Variants in ARHGAP39 observed in about 807,000 individuals in gnomAD.
The protein encoded by ARHGAP39 is Rho GTPase activating protein 39.
In ARHGAP39, 44 loss-of-function variants were observed where a neutral mutation model predicts 106.9. The observed-to-expected ratio is 0.41, with a 90% CI of 0.32 to 0.53. The LOEUF is 0.53. Among genes scored for constraint, ARHGAP39 ranks in the 20% least tolerant of loss-of-function variants. The pLI is 0.21. For missense variants in ARHGAP39, 1,496 were observed against 1,577.3 expected (o/e 0.95, Z 0.87); for synonymous variants, 768 against 693.2 (o/e 1.11, Z -1.69).
intron 3 of ARHGAP39, among the ~76,000 whole-genome samples, chr8:144,568,816 A>G (rs958962301): frequency 3.3e-5 from 5 of 152,326 alleles, no homozygotes; most frequent in African/African-American, 1.2e-4. Flanking sequence ...AGCCATAATT[A>G]AGAATCCAAC....
At chr8:144,627,642 C>T (rs986626015) in intron 1 of ARHGAP39, among the ~76,000 whole-genome samples, 1 of 151,992 alleles carries the variant, frequency 6.6e-6, no homozygotes, top group Non-Finnish European at 1.5e-5. Context: ...GCCTTGGTCC[C>T]AGCACTTTGG....
At position 144,620,881 on chromosome 8, in the gene ARHGAP39, T is replaced by G. The variant is rs188009073; in HGVS notation, c.-81-15186A>C. On this transcript the variant is annotated intron_variant, in intron 1 of 11. Coordinates refer to ENST00000377307, the MANE Select transcript of ARHGAP39 (RefSeq NM_025251.3). Reference sequence around the variant, plus strand: ...AATCCCTGGGGCCAAGCTCCTGAGGTGGCCACTGTGCCCTCGAGGTGAAGG... The same window carrying G: ...AATCCCTGGGGCCAAGCTCCTGAGGGGGCCACTGTGCCCTCGAGGTGAAGG... 7.5e-4 allele frequency among the ~76,000 whole-genome samples: 114 copies of G among 152,318 alleles called. 1 individual carries two copies. Among genetic ancestry groups the G allele is most frequent in the African/African-American group, 2.6e-3 (108 of 41,568 alleles).
intron 2 of ARHGAP39, among the ~76,000 whole-genome samples, chr8:144,583,257 G>A (rs1819065222): frequency 6.6e-6 from 1 of 152,202 alleles, no homozygotes; most frequent in South Asian, 2.1e-4. Flanking sequence ...CACTGATCAT[G>A]TTCTCTTCCT....
At chr8:144,605,735 G>C in intron 1 of ARHGAP39, 40 bp from the exon 2 acceptor site, 1 of 923,274 alleles carries the variant, frequency 1.1e-6, no homozygotes. Flanking sequence ...TATGGAAGAC[G>C]CCTCACCACA....
In ARHGAP39 at chr8:144,533,257, G is replaced by A. The variant is rs139501715; in HGVS notation, c.2757C>T (p.Phe919=). The part of the protein sequence containing the change: ...AKNAVFSPSM[F]GSALQEVMGM... ...CCATGACCTCCTGCAGTGCGCTGCC[G>A]AACATGGACGGGCTGAACACGGCGT... The change falls in exon 9 of 12, where the codon TTC becomes TTT. Residue 919 remains phenylalanine (F), a synonymous_variant. Transcript: ENST00000377307. The A allele has an allele frequency of 2.8e-4, 447 of 1,613,004 alleles. No homozygotes were observed. Among genetic ancestry groups the A allele is most frequent in the Admixed American group, 2.5e-4 (15 of 60,000 alleles).
rs1330718474 is a variant in ARHGAP39, at chr8:144,679,150, C to T, written c.-82+6536G>A. The stretch of plus-strand genomic sequence containing the variant: ...CTCAGGGGCTCTCGCGCATGGTGGC[C>T]GGCTCCAGCGTCCAGCATCTGCGGC... On this transcript the variant is annotated intron_variant, in intron 1 of 11. Transcript: ENST00000377307. The surrounding 1 kb of genome is among the most constrained non-coding windows in gnomAD (Gnocchi z 4.7). 2.0e-5 allele frequency among the ~76,000 whole-genome samples: 3 copies of T among 152,318 alleles called. No individual in the cohort carries two copies. Among genetic ancestry groups the T allele is most frequent in the Non-Finnish European group, 2.9e-5 (2 of 68,036 alleles).
rs934454116 is a variant in ARHGAP39, at chr8:144,678,006, C to A, written c.-82+7680G>T. On this transcript the variant is annotated intron_variant, in intron 1 of 11. Coordinates refer to ENST00000377307, the MANE Select transcript of ARHGAP39 (RefSeq NM_025251.3). ...GGAAATGTGTCAACGAGTCCCTCCC[C>A]CTGCTGCGCCAGCCATTCTCTGAGG... 7.2e-5 allele frequency among the ~76,000 whole-genome samples: 11 copies of A among 152,204 alleles called. No homozygotes were observed. The South Asian group carries it at 1.7e-3, about 23-fold the overall frequency.
intron 1 of ARHGAP39, among the ~76,000 whole-genome samples, chr8:144,607,359 C>T (rs968020013): frequency 6.6e-6 from 1 of 152,210 alleles, no homozygotes; most frequent in Admixed American, 6.5e-5. Flanking sequence ...CCATGGCCTC[C>T]GGCCCGGGTG....
rs1364291848 is a variant in ARHGAP39, at chr8:144,645,279, A to G, written c.-81-39584T>C. On this transcript the variant is annotated intron_variant, in intron 1 of 11. Coordinates refer to ENST00000377307, the MANE Select transcript of ARHGAP39 (RefSeq NM_025251.3). The surrounding 1 kb of genome is among the most constrained non-coding windows in gnomAD (Gnocchi z 4.4). The stretch of plus-strand genomic sequence containing the variant: ...CTGGGACACTACATGAACTGAAGGC[A>G]CGAGAAGTCCAGGTGTCAAGGAGAG... Among the ~76,000 whole-genome samples, 3 of 152,268 alleles carry G rather than the reference A, an allele frequency of 2.0e-5. No homozygotes were observed. The highest frequency in any genetic ancestry group is 4.4e-5 in the Non-Finnish European group (3 of 68,048).
chr8:144,667,998 T>C (rs1822006929), intron 1 of ARHGAP39, among the ~76,000 whole-genome samples: 1 of 151,644 alleles, frequency 6.6e-6, no homozygotes, highest in African/African-American at 2.4e-5. Flanking sequence ...CAGTATGTGC[T>C]TCATGGAATT....
At chr8:144,549,098 G>A (rs922701570) in intron 4 of ARHGAP39, among the ~76,000 whole-genome samples, 3 of 152,354 alleles carry the variant, frequency 2.0e-5, no homozygotes, top group Admixed American at 6.5e-5. Flanking sequence ...CGCTGTCTGC[G>A]TCCTCACCAG....
At chr8:144,543,530 G>A (rs1817281398) in intron 6 of ARHGAP39, among the ~76,000 whole-genome samples, 1 of 152,206 alleles carries the variant, frequency 6.6e-6, no homozygotes, top group Non-Finnish European at 1.5e-5. Context: ...ACCTGCCAGT[G>A]GGACTGCACA....
intron 1 of ARHGAP39, among the ~76,000 whole-genome samples, chr8:144,640,642 C>T (rs1821288364): frequency 6.6e-6 from 1 of 152,210 alleles, no homozygotes; most frequent in Non-Finnish European, 1.5e-5. Flanking sequence ...CAAAGCAACA[C>T]TTCAATGTAG....
chr8:144,614,210 T>C (rs544489026), intron 1 of ARHGAP39, among the ~76,000 whole-genome samples: 12 of 152,350 alleles, frequency 7.9e-5, no homozygotes, highest in South Asian at 4.1e-4. Flanking sequence ...AACCCTAACA[T>C]CTATGTCAGT....
In ARHGAP39 at chr8:144,548,384, T is replaced by A; in HGVS notation, c.702A>T (p.Pro234=). The A allele has an allele frequency of 6.2e-7, 1 of 1,610,118 alleles. No homozygotes were observed. The highest frequency in any genetic ancestry group is 8.5e-7 in the Non-Finnish European group (1 of 1,178,902). The change falls in exon 5 of 12, where the codon CCA becomes CCT. Residue 234 remains proline, a synonymous_variant. Coordinates refer to ENST00000377307, the MANE Select transcript of ARHGAP39 (RefSeq NM_025251.3). This position sits in a 1 kb window ranked among gnomAD's most constrained non-coding sequence, Gnocchi z 7.4. ...FLAAQGNGYA[P]DGPPGVRSRR... ...GGGAGCGGACCCCAGGTGGGCCGTC[T>A]GGGGCGTAGCCATTGCCCTGGGCGG...
intron 2 of ARHGAP39, among the ~76,000 whole-genome samples, chr8:144,590,195 G>A (rs571579338): frequency 1.3e-5 from 2 of 152,282 alleles, no homozygotes; most frequent in East Asian, 1.9e-4. Context: ...GGCCATCTCC[G>A]GAAGATGCCA....
intron 1 of ARHGAP39, among the ~76,000 whole-genome samples, chr8:144,606,363 TCTC>T (rs1430945911): frequency 6.6e-6 from 1 of 152,124 alleles, no homozygotes; most frequent in African/African-American, 2.4e-5. Context: ...TCCTCTTCCT[TCTC>T]CTCGGCCTAC....
intron 2 of ARHGAP39, among the ~76,000 whole-genome samples, chr8:144,592,930 C>T (rs1819461311): frequency 1.3e-5 from 2 of 152,178 alleles, no homozygotes; most frequent in Non-Finnish European, 2.9e-5. Context: ...CGCCTCGGCC[C>T]TCCACCACAG....
At chr8:144,589,093 T>G (rs566685321) in intron 2 of ARHGAP39, among the ~76,000 whole-genome samples, 10 of 151,958 alleles carry the variant, frequency 6.6e-5, no homozygotes, top group African/African-American at 2.4e-4. Context: ...CAGGGGCTCA[T>G]CAACTGCAGA....
Sources: allele counts gnomAD v4.1 joint callset (sites outside exome capture counted in the v4.1 genomes callset), GRCh38; gene constraint gnomAD v4.1.1; non-coding constraint Gnocchi (gnomAD v3.1); transcripts MANE v1.5; gene names NCBI Gene and HGNC (gene_info 2026-07-23, HGNC 2026-07-21).